The following ANHX variants were observed in gnomAD, a reference collection of about 807,000 sequenced individuals.
ANHX encodes the protein anomalous homeobox.
In ANHX, 20 loss-of-function variants were observed where a neutral mutation model predicts 38.9. The ratio of observed to expected loss-of-function variants is 0.51; its 90% confidence interval spans 0.36 to 0.75. The LOEUF (loss-of-function observed/expected upper bound fraction) is 0.75, where lower values mean the gene tolerates loss of function less well. ANHX is among the 30% of genes least tolerant of loss of function. ANHX has a pLI of 0.00. For missense variants in ANHX, 475 were observed against 493.1 expected, an observed-to-expected ratio of 0.96 and a Z score of 0.35; for synonymous variants, 185 against 203.1, an observed-to-expected ratio of 0.91 and a Z score of 0.76.
chr12:133,232,046 C>A (rs1957285816), intron 2 of ANHX, among the ~76,000 whole-genome samples: 1 of 151,832 alleles, frequency 6.6e-6, no homozygotes, highest in Admixed American at 6.5e-5. Flanking sequence ...TCTCTTTTGG[C>A]CAACAGCAAA....
rs190414478 is a variant in ANHX, at chr12:133,233,503, C to T, written c.249+605G>A. Among the ~76,000 whole-genome samples, 7 of 152,240 alleles carry T rather than the reference C, an allele frequency of 4.6e-5. No homozygotes were observed. The South Asian group carries it at 6.2e-4, about 14-fold the overall frequency. On this transcript the variant is annotated intron_variant, in intron 2 of 9. Coordinates refer to ENST00000545940, the MANE Select transcript of ANHX (RefSeq NM_001372060.1). ...GAATTTTTCAGATTTCAGCAAGTAA[C>T]GCAGGCATCCAGCACACGACATGCA...
intron 3 of ANHX, among the ~76,000 whole-genome samples, chr12:133,230,283 C>T (rs574140430): frequency 4.6e-5 from 7 of 152,312 alleles, no homozygotes; most frequent in Non-Finnish European, 7.3e-5. Flanking sequence ...TCAGCATGCC[C>T]GTGGGGGGCT....
chr12:133,218,825 G>A lies in ANHX; in HGVS notation c.*60C>T. 7.7e-7 allele frequency: 1 copy of A among 1,293,940 alleles called. No individual in the cohort carries two copies. Among genetic ancestry groups the A allele is most frequent in the Non-Finnish European group, 1.0e-6 (1 of 967,334 alleles). The allele number at this position is 1,293,940 out of a possible 1,614,324, so 80.2% of individuals were successfully genotyped here. On this transcript the variant is annotated 3_prime_UTR_variant, in exon 10 of 10. Coordinates refer to ENST00000545940, the MANE Select transcript of ANHX (RefSeq NM_001372060.1). ...ATAAAGCTCTGTAACTCCTTGTGTTGACCAGGCAGACCATCCACACCCGCT... is the reference window on the plus strand; with the variant it reads ...ATAAAGCTCTGTAACTCCTTGTGTTAACCAGGCAGACCATCCACACCCGCT...
chr12:133,228,097 A>G (rs567105222), intron 3 of ANHX, 150 bp from the exon 4 acceptor site: 3 of 931,982 alleles, frequency 3.2e-6, no homozygotes, highest in Admixed American at 5.3e-5. Flanking sequence ...AGTGAAAACT[A>G]GAGTCTCTTC....
At chr12:133,226,263 G>A (rs1362108664) in intron 6 of ANHX, 55 bp downstream of exon 6, 3 of 1,536,038 alleles carry the variant, frequency 2.0e-6, no homozygotes, top group Non-Finnish European at 2.6e-6. Flanking sequence ...TCCACCTGAG[G>A]AGGAAAGGGA....
chr12:133,223,233 G>A (rs1957136846), intron 7 of ANHX, among the ~76,000 whole-genome samples: 2 of 151,528 alleles, frequency 1.3e-5, no homozygotes, highest in South Asian at 4.2e-4. Flanking sequence ...CAAAAAATCA[G>A]AAGACAGAAT....
chr12:133,219,330 CG>C lies in ANHX; in HGVS notation c.1317del (p.Gly440AlafsTer8). ...PELAPAPSAF[P>X]GPVSAMELSQ... is the part of the protein sequence containing the mutation. ...CTCAGCTCCATGGCAGACACAGGGC[CG>C]GGGAAGGCAGATGGGGCTGGGGCCA... On this transcript the variant is annotated frameshift_variant, in exon 9 of 10. Transcript: ENST00000545940. LOFTEE classifies it low-confidence loss of function (END_TRUNC). 6.5e-7 allele frequency: 1 copy of C among 1,535,000 alleles called. No homozygotes were observed. Among genetic ancestry groups the C allele is most frequent in the East Asian group, 2.4e-5 (1 of 40,900 alleles).
At chr12:133,232,219 C>T (rs1056823493) in intron 2 of ANHX, among the ~76,000 whole-genome samples, 2 of 152,224 alleles carry the variant, frequency 1.3e-5, no homozygotes, top group Non-Finnish European at 2.9e-5. Flanking sequence ...TGTCTGTGGC[C>T]AGTACACCCA....
chr12:133,220,591 C>T (rs554005695), intron 8 of ANHX, among the ~76,000 whole-genome samples: 1 of 152,332 alleles, frequency 6.6e-6, no homozygotes, highest in East Asian at 1.9e-4. Context: ...GGAGACCCCA[C>T]AACCTGGGGA....
At chr12:133,226,515 C>A in intron 5 of ANHX, 77 bp from the exon 6 acceptor site, 1 of 1,453,432 alleles carries the variant, frequency 6.9e-7, no homozygotes, top group Non-Finnish European at 9.0e-7. Flanking sequence ...TATGAGCAGC[C>A]CTGCTGGCTG....
At position 133,218,991 on chromosome 12, in the gene ANHX, T is replaced by G; in HGVS notation, c.1366-20A>C. The G allele has an allele frequency of 6.6e-7, 1 of 1,524,030 alleles. No homozygotes were observed. Among genetic ancestry groups the G allele is most frequent in the Non-Finnish European group, 8.8e-7 (1 of 1,138,140 alleles). 94.4% of individuals were successfully genotyped at this position (1,524,030 alleles called of 1,614,324 possible). On this transcript the variant is annotated intron_variant, in intron 9 of 9. Coordinates refer to ENST00000545940, the MANE Select transcript of ANHX (RefSeq NM_001372060.1). ...CTGCACCTGGAAGACAACACAGTGG[T>G]AAACACAGAGGCTTCCTTTCCAGGC...
intron 1 of ANHX, 146 bp from the exon 2 acceptor site, chr12:133,234,524 C>T (rs939383073): frequency 7.1e-5 from 61 of 860,256 alleles, no homozygotes; most frequent in Non-Finnish European, 6.6e-5. Flanking sequence ...TCACACATCC[C>T]GAGAGAGGGC....
In ANHX at chr12:133,227,898, A is replaced by C. The variant is rs779345504; in HGVS notation, c.427T>G (p.Phe143Val). ...LCPEGLKSRN[F>V]PREVREKLHN... is the part of the protein sequence containing the mutation. ...AGCTTCTCACGAACCTCTCTGGGGA[A>C]GTTCCGGCTCTTCAGCCCCTCTGGG... The change falls in exon 4 of 10, where the codon TTC (phenylalanine) becomes GTC (valine). Residue 143 changes from phenylalanine to valine, a missense_variant. Physicochemically the swap from Phe to Val is conservative, Grantham distance 50. Coordinates refer to ENST00000545940, the MANE Select transcript of ANHX (RefSeq NM_001372060.1). 1 of 1,300,950 alleles carries C rather than the reference A, an allele frequency of 7.7e-7. No individual in the cohort carries two copies. Among genetic ancestry groups the C allele is most frequent in the South Asian group, 1.2e-5 (1 of 80,800 alleles). The allele number at this position is 1,300,950 out of a possible 1,614,324, so 80.6% of individuals were successfully genotyped here.
At chr12:133,228,526 T>G (rs1331861499) in intron 3 of ANHX, among the ~76,000 whole-genome samples, 1 of 152,118 alleles carries the variant, frequency 6.6e-6, no homozygotes, top group Admixed American at 6.6e-5. Context: ...CTTTCTCCCT[T>G]CGTCTCTCAC....
Position 133,218,573 on chromosome 12 carries a change from C to T in ANHX, c.*312G>A. ...GCAGCCAGCAGCAGAACACTCCCCTCTCTAGAATGGCCTTCTCTGCACGAG... is the reference window on the plus strand; with the variant it reads ...GCAGCCAGCAGCAGAACACTCCCCTTTCTAGAATGGCCTTCTCTGCACGAG... On this transcript the variant is annotated 3_prime_UTR_variant, in exon 10 of 10. Transcript: ENST00000545940. The T allele has an allele frequency of 4.6e-6, 1 of 219,530 alleles. No homozygotes were observed. Among genetic ancestry groups the T allele is most frequent in the East Asian group, 9.5e-5 (1 of 10,520 alleles). The allele number at this position is 219,530 out of a possible 1,614,324, so 13.6% of individuals were successfully genotyped here. A position where few individuals can be genotyped will look rare whatever the true frequency, so the allele number is the denominator to read the frequency against.
intron 7 of ANHX, among the ~76,000 whole-genome samples, chr12:133,222,317 C>A (rs776668503): frequency 2.4e-4 from 37 of 152,280 alleles, no homozygotes; most frequent in African/African-American, 8.2e-4. Context: ...GCAAGTGCAG[C>A]CCATGGTGAT....
intron 3 of ANHX, among the ~76,000 whole-genome samples, chr12:133,230,341 C>G (rs1323271356): frequency 6.6e-6 from 1 of 152,240 alleles, no homozygotes; most frequent in Non-Finnish European, 1.5e-5. Flanking sequence ...TGCTGGGCTT[C>G]TGACGACTTG....
chr12:133,227,088 CG>C lies in ANHX; in HGVS notation c.565del (p.Arg189GlyfsTer11). 1 of 1,536,046 alleles carries C rather than the reference CG, an allele frequency of 6.5e-7. No individual in the cohort carries two copies. Among genetic ancestry groups the C allele is most frequent in the South Asian group, 1.2e-5 (1 of 84,056 alleles). On this transcript the variant is annotated frameshift_variant, in exon 5 of 10. Coordinates refer to ENST00000545940, the MANE Select transcript of ANHX (RefSeq NM_001372060.1). LOFTEE classifies it high-confidence loss of function. ...EQVYNWFANY[R>X]RRQRALPQHM... ...CTGGGGAAGGGCTCTTTGGCGGCGC[CG>C]GTAATTGGCAAACCAGTTGTACACC... is the stretch of plus-strand genomic sequence containing the variant.
chr12:133,220,414 G>A (rs766211264), intron 8 of ANHX, among the ~76,000 whole-genome samples: 4 of 152,184 alleles, frequency 2.6e-5, no homozygotes, highest in Non-Finnish European at 5.9e-5. Flanking sequence ...AGCCATGAAT[G>A]GAAAAGTGAG....
Sources: allele counts gnomAD v4.1 joint callset (sites outside exome capture counted in the v4.1 genomes callset), GRCh38; gene constraint gnomAD v4.1.1; transcripts MANE v1.5; gene names NCBI Gene and HGNC (gene_info 2026-07-23, HGNC 2026-07-21).